Variants in IFNGR1 observed in about 807,000 individuals in gnomAD.
IFNGR1 encodes AVP, type 2.
In IFNGR1, 23 loss-of-function variants were observed where a neutral mutation model predicts 35.4. The observed-to-expected ratio is 0.65, with a 90% CI of 0.47 to 0.92. The LOEUF (loss-of-function observed/expected upper bound fraction) is 0.92. Ranked by LOEUF, IFNGR1 falls within the 40% of genes least tolerant of loss-of-function variation. The pLI, the probability that IFNGR1 is intolerant of heterozygous loss-of-function variation, is 0.00. For missense variants in IFNGR1, 533 were observed against 583.4 expected, an observed-to-expected ratio of 0.91 and a Z score of 0.89; for synonymous variants, 199 against 209.5, an observed-to-expected ratio of 0.95 and a Z score of 0.43.
At chr6:137,203,435 C>CT in intron 5 of IFNGR1, 64 bp downstream of exon 5, 1 of 863,812 alleles carries the variant, frequency 1.2e-6, no homozygotes, top group South Asian at 1.3e-5. Context: ...GTTTGCTTTC[C>CT]TCACATGATC....
Position 137,203,588 on chromosome 6 carries a change from A to G in IFNGR1, c.644T>C (p.Val215Ala). Residue 215 changes from valine to alanine, a missense_variant, in exon 5 of 7, where the codon GTT (valine) becomes GCT (alanine). Physicochemically the swap from Val to Ala is moderately conservative, Grantham distance 64. Transcript: ENST00000367739. The part of the protein sequence containing the change: ...PVSSLNSQYC[V>A]SAEGVLHVWG... ...CACATGTAAGACTCCTTCTGCTGAA[A>G]CACAGTACTGAGAATTCAGTGAGGA... 1.2e-6 allele frequency: 2 copies of G among 1,613,672 alleles called. No homozygotes were observed. Among genetic ancestry groups the G allele is most frequent in the South Asian group, 1.1e-5 (1 of 91,072 alleles).
At chr6:137,203,285 ATCACAT>A (rs1163380079) in intron 5 of IFNGR1, among the ~76,000 whole-genome samples, 1 of 152,206 alleles carries the variant, frequency 6.6e-6, no homozygotes, top group African/African-American at 2.4e-5. Flanking sequence ...TCAAGGGGCC[ATCACAT>A]GGCTTTCCAA....
At chr6:137,212,879 A>G (rs769648399) in intron 1 of IFNGR1, among the ~76,000 whole-genome samples, 1 of 152,252 alleles carries the variant, frequency 6.6e-6, no homozygotes, top group Non-Finnish European at 1.5e-5. Context: ...TAGGAGGAAA[A>G]TATTTCAATG....
rs1394498711 is a variant in IFNGR1 at position 137,197,652 on chromosome 6, C to T, written c.*379G>A. 1 of 166,928 alleles carries T rather than the reference C, an allele frequency of 6.0e-6. No homozygotes were observed. The highest frequency in any genetic ancestry group is 2.4e-5 in the African/African-American group (1 of 41,540). The allele number at this position is 166,928 out of a possible 1,614,324, so 10.3% of individuals were successfully genotyped here. A position where few individuals can be genotyped will look rare whatever the true frequency, so the allele number is the denominator to read the frequency against. The stretch of plus-strand genomic sequence containing the variant: ...TGAAATTACTTAAAATTACTGTATG[C>T]ATAAACTTACAAAAACATATGCTAT... On this transcript the variant is annotated 3_prime_UTR_variant, in exon 7 of 7. Transcript: ENST00000367739.
At chr6:137,208,635 T>C (rs4896244) in intron 1 of IFNGR1, among the ~76,000 whole-genome samples, 68,756 of 152,142 alleles carry the variant, frequency 0.45, 15,826 homozygotes, top group South Asian at 0.63. Context: ...CCTATGGGTG[T>C]GCAGAAGTCA....
intron 1 of IFNGR1, among the ~76,000 whole-genome samples, chr6:137,211,545 G>A (rs1266030016): frequency 1.3e-5 from 2 of 152,152 alleles, no homozygotes; most frequent in African/African-American, 4.8e-5. Flanking sequence ...TTCTCCTTCT[G>A]CTTCCAGAGG....
chr6:137,207,080 G>GT lies in IFNGR1; in HGVS notation c.86-4dup. On this transcript the variant is annotated splice_region_variant and splice_polypyrimidine_tract_variant and intron_variant, in intron 1 of 6. Coordinates refer to ENST00000367739, the MANE Select transcript of IFNGR1 (RefSeq NM_000416.3). ...TGTAACATTAGTTGGTGTAGGCACT[G>GT]TAAGAAAATAAAAAAGTAAAAGGGA... 1 of 1,613,650 alleles carries GT rather than the reference G, an allele frequency of 6.2e-7. No individual in the cohort carries two copies. The highest frequency in any genetic ancestry group is 1.3e-5 in the African/African-American group (1 of 74,998).
chr6:137,218,990 C>A, intron 1 of IFNGR1: 3 of 578,504 alleles, frequency 5.2e-6, no homozygotes, highest in Non-Finnish European at 9.3e-6. Flanking sequence ...TTACAAGAGT[C>A]GGAAAAACAA....
chr6:137,218,032 A>G (rs1779748668), intron 1 of IFNGR1, among the ~76,000 whole-genome samples: 1 of 152,164 alleles, frequency 6.6e-6, no homozygotes, highest in Non-Finnish European at 1.5e-5. Flanking sequence ...TCTTACCGCA[A>G]AGTACTGCAA....
intron 5 of IFNGR1, among the ~76,000 whole-genome samples, chr6:137,201,689 C>CA (rs5880339): frequency 0.2 from 29,247 of 143,910 alleles, 3,191 homozygotes; most frequent in East Asian, 0.42. Context: ...AACAAAACAA[C>CA]AAAAAAAAAA....
At chr6:137,206,466 CT>C (rs753205456) in intron 2 of IFNGR1, among the ~76,000 whole-genome samples, 158 bp from the exon 3 acceptor site, 7 of 152,208 alleles carry the variant, frequency 4.6e-5, no homozygotes, top group Non-Finnish European at 7.3e-5. Context: ...GAAACCCTTA[CT>C]CTTTAGTTAG....
rs1779370198 is a variant in IFNGR1 at position 137,204,230 on chromosome 6, G to A, written c.546+102C>T. On this transcript the variant is annotated intron_variant, in intron 4 of 6. Coordinates refer to ENST00000367739, the MANE Select transcript of IFNGR1 (RefSeq NM_000416.3). The stretch of plus-strand genomic sequence containing the variant: ...ATCAAATCTATGATCTGTGAGTCTT[G>A]CTTGAATATTTATAAGCATCCTATT... The A allele has an allele frequency of 4.1e-6, 4 of 976,984 alleles. No homozygotes were observed. In the South Asian group the frequency reaches 5.3e-5, roughly 13 times the overall value. 60.5% of individuals were successfully genotyped at this position (976,984 alleles called of 1,614,324 possible).
Position 137,197,746 on chromosome 6 carries a change from G to A in IFNGR1, c.*285C>T. The stretch of plus-strand genomic sequence containing the variant: ...CCCTGGGGCATCACCTGCTCACCTA[G>A]GAACCAGGAGTACTGGATACTGTTC... On this transcript the variant is annotated 3_prime_UTR_variant, in exon 7 of 7. Transcript: ENST00000367739. The A allele has an allele frequency of 2.9e-6, 1 of 343,204 alleles. No homozygotes were observed. Among genetic ancestry groups the A allele is most frequent in the Non-Finnish European group, 5.5e-6 (1 of 182,828 alleles). 21.3% of individuals were successfully genotyped at this position (343,204 alleles called of 1,614,324 possible). A position where few individuals can be genotyped will look rare whatever the true frequency, so the allele number is the denominator to read the frequency against.
intron 5 of IFNGR1, among the ~76,000 whole-genome samples, chr6:137,202,598 T>G (rs1319484895): frequency 1.7e-5 from 2 of 118,926 alleles, no homozygotes; most frequent in Non-Finnish European, 3.4e-5. Flanking sequence ...AAAAAATATA[T>G]GTATACACAC....
chr6:137,217,381 T>C lies in IFNGR1; in HGVS notation c.85+1862A>G, dbSNP rs534586542. ...AAGGCATAGTGGGTGTATTATTTTGTTGGCTCAACACCTGTACTTCAGGCA... is the reference window on the plus strand; with the variant it reads ...AAGGCATAGTGGGTGTATTATTTTGCTGGCTCAACACCTGTACTTCAGGCA... On this transcript the variant is annotated intron_variant, in intron 1 of 6. Coordinates refer to ENST00000367739, the MANE Select transcript of IFNGR1 (RefSeq NM_000416.3). 2.6e-5 allele frequency among the ~76,000 whole-genome samples: 4 copies of C among 152,354 alleles called. No homozygotes were observed. The South Asian group carries it at 6.2e-4, about 24-fold the overall frequency.
chr6:137,204,037 A>G (rs186998887), intron 4 of IFNGR1, among the ~76,000 whole-genome samples: 13 of 152,336 alleles, frequency 8.5e-5, no homozygotes, highest in Admixed American at 7.8e-4. Flanking sequence ...CCAATGAGGA[A>G]GAAAATCCTC....
At position 137,219,251 on chromosome 6, in the gene IFNGR1, G is replaced by T. The variant is rs768232887; in HGVS notation, c.77C>A (p.Pro26Gln). 2.5e-6 allele frequency: 4 copies of T among 1,610,410 alleles called. No individual in the cohort carries two copies. Among genetic ancestry groups the T allele is most frequent in the Non-Finnish European group, 3.4e-6 (4 of 1,178,730 alleles). The change falls in exon 1 of 7, where the codon CCG (proline) becomes CAG (glutamine). Residue 26 changes from proline (P) to glutamine (Q), a missense_variant. By Grantham distance (76) the Pro-to-Gln change is moderately conservative. Coordinates refer to ENST00000367739, the MANE Select transcript of IFNGR1 (RefSeq NM_000416.3). ...RAEMGTADLG[P>Q]SSVPTPTNVT... ...GCCGCGAACGACGGTACCTGAGGACGGCCCCAGATCCGCGGTGCCCATCTC... is the reference window on the plus strand; with the variant it reads ...GCCGCGAACGACGGTACCTGAGGACTGCCCCAGATCCGCGGTGCCCATCTC...
chr6:137,218,855 G>A (rs1056673754), intron 1 of IFNGR1: 2 of 361,362 alleles, frequency 5.5e-6, no homozygotes, highest in South Asian at 2.2e-5. Flanking sequence ...ATACTAGTGA[G>A]TATCTGCGTA....
intron 6 of IFNGR1, among the ~76,000 whole-genome samples, chr6:137,199,528 A>ATATT (rs1779209546): frequency 2.7e-5 from 1 of 36,898 alleles, no homozygotes; most frequent in East Asian, 1.1e-3. Context: ...TATTATATAT[A>ATATT]ATATATAATA....
Sources: allele counts gnomAD v4.1 joint callset (sites outside exome capture counted in the v4.1 genomes callset), GRCh38; gene constraint gnomAD v4.1.1; transcripts MANE v1.5; gene names NCBI Gene and HGNC (gene_info 2026-07-23, HGNC 2026-07-21).